The following SRBD1 variants were observed in gnomAD, a reference collection of about 807,000 sequenced individuals.
SRBD1 encodes the protein S1 RNA binding domain 1.
A neutral mutation model predicts 115.3 loss-of-function variants in SRBD1; 88 were observed. The ratio of observed to expected loss-of-function variants is 0.76; its 90% CI spans 0.64 to 0.91. The LOEUF is 0.91. Ranked by LOEUF, SRBD1 falls within the 40% of genes least tolerant of loss-of-function variation. The probability of loss-of-function intolerance (pLI) is 0.00; values close to 1 mark genes in which losing one functional copy is unlikely to be tolerated. For synonymous variants in SRBD1, 509 were observed against 407.7 expected, an observed-to-expected ratio of 1.25 and a Z score of -2.99; for missense variants, 1,385 against 1,177.4, an observed-to-expected ratio of 1.18 and a Z score of -2.58.
intron 14 of SRBD1, among the ~76,000 whole-genome samples, chr2:45,517,460 C>A (rs933829796): frequency 1.3e-5 from 2 of 152,132 alleles, no homozygotes; most frequent in East Asian, 1.9e-4. Flanking sequence ...ACTGTGAAAT[C>A]CTTTGGATTA....
At chr2:45,523,404 A>C (rs1356094828) in intron 14 of SRBD1, among the ~76,000 whole-genome samples, 2 of 151,848 alleles carry the variant, frequency 1.3e-5, no homozygotes, top group Non-Finnish European at 2.9e-5. Context: ...AGTTGAACTC[A>C]AAAGTTGGTT....
rs1444030781 is a variant in SRBD1, at chr2:45,594,296, A to C, written c.648+5153T>G. 2.0e-5 allele frequency among the ~76,000 whole-genome samples: 3 copies of C among 152,164 alleles called. No individual in the cohort carries two copies. In the East Asian group the frequency reaches 5.8e-4, roughly 29 times the overall value. ...CTCTTGCAACAAAGGGAAAACAGCT[A>C]ATAAAAAAGGTTTTGTTTGCCTTTT... On this transcript the variant is annotated intron_variant, in intron 4 of 20. Transcript: ENST00000263736.
intron 14 of SRBD1, among the ~76,000 whole-genome samples, chr2:45,499,415 T>C (rs1348491221): frequency 4.6e-5 from 7 of 152,198 alleles, no homozygotes; most frequent in African/African-American, 1.7e-4. Context: ...CCCTTTGTGA[T>C]AGTTTGCAAA....
intron 10 of SRBD1, 42 bp from the exon 11 acceptor site, chr2:45,553,772 A>G (rs1445376136): frequency 3.7e-6 from 5 of 1,340,924 alleles, no homozygotes; most frequent in Non-Finnish European, 5.1e-6. Context: ...ATGCAACAAT[A>G]AATAAGGCCA....
intron 19 of SRBD1, among the ~76,000 whole-genome samples, chr2:45,397,342 C>T (rs983103985): frequency 6.6e-6 from 1 of 152,066 alleles, no homozygotes; most frequent in Non-Finnish European, 1.5e-5. Flanking sequence ...TCTATGTATA[C>T]ATTTCTTTAA....
At chr2:45,449,991 C>T (rs1292344000) in intron 16 of SRBD1, among the ~76,000 whole-genome samples, 1 of 152,104 alleles carries the variant, frequency 6.6e-6, no homozygotes, top group Non-Finnish European at 1.5e-5. Flanking sequence ...TCACATACAG[C>T]TGTTCAGGGT....
chr2:45,515,211 A>G (rs1671082216), intron 14 of SRBD1, among the ~76,000 whole-genome samples: 1 of 152,296 alleles, frequency 6.6e-6, no homozygotes, highest in South Asian at 2.1e-4. Context: ...TAACATTTGC[A>G]GTTTCTATGG....
chr2:45,492,692 G>A (rs1369778672), intron 14 of SRBD1, among the ~76,000 whole-genome samples: 2 of 152,148 alleles, frequency 1.3e-5, no homozygotes, highest in African/African-American at 2.4e-5. Context: ...GCCTGCCTCG[G>A]CCTCCCAAAG....
intron 19 of SRBD1, among the ~76,000 whole-genome samples, chr2:45,412,656 C>A (rs781517887): frequency 4.6e-5 from 7 of 152,154 alleles, no homozygotes; most frequent in Non-Finnish European, 1.0e-4. Context: ...AAAACTTCCC[C>A]CATGTCATTC....
intron 17 of SRBD1, among the ~76,000 whole-genome samples, chr2:45,419,420 TG>T (rs1386195168): frequency 2.6e-5 from 4 of 152,208 alleles, no homozygotes; most frequent in Non-Finnish European, 5.9e-5. Context: ...ATTTATCTTT[TG>T]GTTACTGCCA....
At chr2:45,486,165 T>TA (rs1412390995) in intron 15 of SRBD1, among the ~76,000 whole-genome samples, 2 of 152,212 alleles carry the variant, frequency 1.3e-5, no homozygotes, top group Admixed American at 6.5e-5. Flanking sequence ...CTGTGACAAT[T>TA]ATTTACACAC....
chr2:45,589,779 C>T (rs1329795884), intron 4 of SRBD1, among the ~76,000 whole-genome samples: 1 of 152,182 alleles, frequency 6.6e-6, no homozygotes, highest in African/African-American at 2.4e-5. Flanking sequence ...TTCAGTTGAA[C>T]ATTTATTTTA....
intron 16 of SRBD1, among the ~76,000 whole-genome samples, chr2:45,437,146 T>C (rs1051862693): frequency 2.6e-5 from 4 of 151,698 alleles, no homozygotes; most frequent in African/African-American, 9.7e-5. Flanking sequence ...TGTATGTGGG[T>C]AGGATGACTC....
chr2:45,411,691 G>A (rs758542657), intron 19 of SRBD1, among the ~76,000 whole-genome samples: 28 of 152,118 alleles, frequency 1.8e-4, no homozygotes, highest in African/African-American at 6.8e-4. Flanking sequence ...TAATTGTTAC[G>A]TAAATGTGAC....
chr2:45,449,554 T>C (rs1668929058), intron 16 of SRBD1, among the ~76,000 whole-genome samples: 1 of 152,200 alleles, frequency 6.6e-6, no homozygotes, highest in Admixed American at 6.5e-5. Context: ...ATGGTTTTAT[T>C]TCAAGTATCT....
chr2:45,410,769 A>G (rs904627283), intron 19 of SRBD1, among the ~76,000 whole-genome samples: 2 of 152,194 alleles, frequency 1.3e-5, no homozygotes, highest in African/African-American at 4.8e-5. Context: ...AATCATGCCT[A>G]TGTAATGAAA....
At chr2:45,493,872 A>C (rs576720143) in intron 14 of SRBD1, among the ~76,000 whole-genome samples, 2 of 152,156 alleles carry the variant, frequency 1.3e-5, no homozygotes, top group Non-Finnish European at 2.9e-5. Flanking sequence ...ATACGGAAAC[A>C]AGCAGAATCA....
chr2:45,429,865 A>G (rs1668278396), intron 16 of SRBD1, among the ~76,000 whole-genome samples: 2 of 152,210 alleles, frequency 1.3e-5, no homozygotes, highest in African/African-American at 2.4e-5. Flanking sequence ...CTGTTTGCAG[A>G]TGACATGACT....
intron 19 of SRBD1, among the ~76,000 whole-genome samples, chr2:45,394,816 T>C: frequency 6.6e-6 from 1 of 152,254 alleles, no homozygotes; most frequent in Non-Finnish European, 1.5e-5. Context: ...CTTGAGAATG[T>C]ATTTTGGTTA....
Sources: allele counts gnomAD v4.1 joint callset (sites outside exome capture counted in the v4.1 genomes callset), GRCh38; gene constraint gnomAD v4.1.1; transcripts MANE v1.5; gene names NCBI Gene and HGNC (gene_info 2026-07-23, HGNC 2026-07-21).